MAGI1: variants seen among roughly 807,000 people sequenced by gnomAD.
MAGI1 encodes membrane-associated guanylate kinase, WW and PDZ domain-containing protein 1.
Under a neutral mutation model 139.9 loss-of-function variants are expected in MAGI1, and 58 were observed. That is an observed-to-expected ratio of 0.41 (90% CI 0.34 to 0.52). The LOEUF is 0.52. MAGI1 is among the 20% of genes least tolerant of loss of function. The pLI is 0.12. For synonymous variants in MAGI1, 812 were observed against 737.9 expected (o/e 1.10, Z -1.63); for missense variants, 1,874 against 1,901.6 (o/e 0.99, Z 0.27).
At chr3:65,628,228 G>A (rs1387384840) in intron 1 of MAGI1, among the ~76,000 whole-genome samples, 1 of 151,976 alleles carries the variant, frequency 6.6e-6, no homozygotes, top group African/African-American at 2.4e-5. Context: ...CCCACACTTA[G>A]GCCAACATTG....
intron 1 of MAGI1, among the ~76,000 whole-genome samples, chr3:65,749,137 C>T (rs969543274): frequency 1.2e-4 from 18 of 152,144 alleles, no homozygotes; most frequent in Non-Finnish European, 2.6e-4. Context: ...GCTTCCAAGA[C>T]TTCATCATGT....
At chr3:65,509,219 A>C (rs2107739388) in intron 2 of MAGI1, among the ~76,000 whole-genome samples, 1 of 152,332 alleles carries the variant, frequency 6.6e-6, no homozygotes, top group African/African-American at 2.4e-5. Flanking sequence ...CAGGTATTTA[A>C]ATGAAGCAGT....
chr3:65,447,711 C>G (rs537666427), intron 7 of MAGI1, among the ~76,000 whole-genome samples: 1 of 152,198 alleles, frequency 6.6e-6, no homozygotes, highest in Non-Finnish European at 1.5e-5. Flanking sequence ...AGGGACACAG[C>G]GAGCATCTCT....
At chr3:65,550,466 A>T (rs1272153895) in intron 2 of MAGI1, among the ~76,000 whole-genome samples, 1 of 152,180 alleles carries the variant, frequency 6.6e-6, no homozygotes, top group African/African-American at 2.4e-5. Flanking sequence ...ACTTGAAAGA[A>T]ATTGGACTCT....
intron 3 of MAGI1, among the ~76,000 whole-genome samples, chr3:65,490,770 G>A (rs552358574): frequency 6.6e-6 from 1 of 150,584 alleles, no homozygotes; most frequent in Non-Finnish European, 1.5e-5. Context: ...CTTGAACATG[G>A]GAGGGGGAGG....
intron 1 of MAGI1, among the ~76,000 whole-genome samples, chr3:66,017,970 G>A (rs2067743352): frequency 6.6e-6 from 1 of 152,126 alleles, no homozygotes; most frequent in Admixed American, 6.5e-5. Context: ...TCTTCTTTGG[G>A]AATTAATATC....
At chr3:65,661,983 G>A (rs1353627238) in intron 1 of MAGI1, among the ~76,000 whole-genome samples, 6 of 151,838 alleles carry the variant, frequency 4.0e-5, no homozygotes, top group South Asian at 4.2e-4. Flanking sequence ...TCCTGACCTC[G>A]TGATCCACCT....
At chr3:65,822,127 C>A (rs1270945632) in intron 1 of MAGI1, among the ~76,000 whole-genome samples, 2 of 151,934 alleles carry the variant, frequency 1.3e-5, no homozygotes, top group Non-Finnish European at 2.9e-5. Context: ...GGGCAAACAA[C>A]CCAGTTTCTT....
At chr3:65,871,374 C>A (rs570819068) in intron 1 of MAGI1, among the ~76,000 whole-genome samples, 17 of 152,216 alleles carry the variant, frequency 1.1e-4, no homozygotes, top group Admixed American at 1.3e-4. Context: ...TTTCTTCATG[C>A]ACCTGTGTAA....
intron 1 of MAGI1, among the ~76,000 whole-genome samples, chr3:65,695,822 G>C (rs1013721854): frequency 6.6e-6 from 1 of 152,174 alleles, no homozygotes; most frequent in Non-Finnish European, 1.5e-5. Flanking sequence ...CCAGGACACT[G>C]GGAAAGGCCT....
intron 1 of MAGI1, among the ~76,000 whole-genome samples, chr3:65,891,211 C>CAAA (rs1451763334): frequency 8.1e-6 from 1 of 123,340 alleles, no homozygotes; most frequent in African/African-American, 4.1e-5. Flanking sequence ...CAGAAAAACA[C>CAAA]ACACAAAAAA....
At chr3:65,909,859 T>C (rs2061586367) in intron 1 of MAGI1, among the ~76,000 whole-genome samples, 1 of 152,064 alleles carries the variant, frequency 6.6e-6, no homozygotes, top group Non-Finnish European at 1.5e-5. Context: ...TGGAAGACAA[T>C]ATTTCCATGG....
intron 1 of MAGI1, among the ~76,000 whole-genome samples, chr3:65,996,938 C>T (rs1324542470): frequency 6.6e-6 from 1 of 152,226 alleles, no homozygotes; most frequent in Non-Finnish European, 1.5e-5. Context: ...GACGTCATCT[C>T]CAACACACAC....
At chr3:65,673,456 T>C (rs192229297) in intron 1 of MAGI1, among the ~76,000 whole-genome samples, 97 of 152,328 alleles carry the variant, frequency 6.4e-4, no homozygotes, top group African/African-American at 1.7e-3. Context: ...TCGGGTTAAA[T>C]AGATAATTTG....
chr3:65,402,028 T>C (rs1429829517), intron 12 of MAGI1: 10 of 388,310 alleles, frequency 2.6e-5, no homozygotes, highest in Non-Finnish European at 3.5e-5. Flanking sequence ...CAAAGACGGA[T>C]GCTCTTTTGC....
intron 14 of MAGI1, among the ~76,000 whole-genome samples, chr3:65,389,681 T>C (rs537188585): frequency 6.6e-6 from 1 of 152,282 alleles, no homozygotes; most frequent in Admixed American, 6.5e-5. Flanking sequence ...GCATATGAGG[T>C]CATTCCAAAT....
At chr3:65,756,446 C>T (rs6780681) in intron 1 of MAGI1, among the ~76,000 whole-genome samples, 85,499 of 152,036 alleles carry the variant, frequency 0.56, 24,344 homozygotes, top group Middle Eastern at 0.68. Context: ...AAAACATGAG[C>T]AAAGGTCATA....
chr3:65,619,789 A>G (rs550974186), intron 2 of MAGI1: 3 of 937,912 alleles, frequency 3.2e-6, no homozygotes, highest in Admixed American at 6.2e-5. Context: ...ACCAGACTCC[A>G]AAACAGACCT....
intron 2 of MAGI1, among the ~76,000 whole-genome samples, chr3:65,548,788 A>G (rs2079652037): frequency 6.6e-6 from 1 of 152,006 alleles, no homozygotes; most frequent in South Asian, 2.1e-4. Context: ...CTCCCAAAGT[A>G]CTGGGATTAC....
Sources: gnomAD v4.1 joint callset for allele counts (sites outside exome capture counted in the v4.1 genomes callset) on GRCh38, gnomAD v4.1.1 for gene constraint, MANE v1.5 for transcripts, NCBI Gene and HGNC (gene_info 2026-07-23, HGNC 2026-07-21) for gene names.